The following LGR6 variants were observed in gnomAD, a reference collection of about 807,000 sequenced individuals.
LGR6 encodes the protein leucine-rich repeat-containing G protein-coupled receptor 6.
Under a neutral mutation model 69.4 loss-of-function variants are expected in LGR6, and 45 were observed. The ratio of observed to expected loss-of-function variants is 0.65; its 90% confidence interval spans 0.51 to 0.83. The LOEUF (loss-of-function observed/expected upper bound fraction) is 0.83. LGR6 is among the 40% of genes least tolerant of loss of function. The probability of loss-of-function intolerance (pLI) is 0.00; values close to 1 mark genes in which losing one functional copy is unlikely to be tolerated. For synonymous variants in LGR6, 538 were observed against 555.0 expected (o/e 0.97, Z 0.43); for missense variants, 1,108 against 1,246.7 (o/e 0.89, Z 1.68).
chr1:202,195,675 G>T (rs759518701), intron 1 of LGR6, among the ~76,000 whole-genome samples: 2 of 152,208 alleles, frequency 1.3e-5, no homozygotes, highest in Non-Finnish European at 2.9e-5. Flanking sequence ...TCTATCCTGG[G>T]AGTATGTGAC....
chr1:202,234,235 C>A (rs1661331807), intron 3 of LGR6, among the ~76,000 whole-genome samples: 1 of 152,208 alleles, frequency 6.6e-6, no homozygotes. Context: ...CCTTCCCCAC[C>A]CCTTGGGGTG....
At chr1:202,301,122 G>A (rs6704350) in intron 8 of LGR6, 42 bp from the exon 9 acceptor site, 2 of 1,572,458 alleles carry the variant, frequency 1.3e-6, no homozygotes, top group South Asian at 1.1e-5. Context: ...CAGCAGAAAG[G>A]CCTGAAAAAC....
chr1:202,204,235 A>T (rs1214586097), intron 1 of LGR6, among the ~76,000 whole-genome samples: 2 of 148,910 alleles, frequency 1.3e-5, no homozygotes, highest in African/African-American at 4.9e-5. Context: ...ACCTCCACAC[A>T]CACACACACC....
intron 1 of LGR6, among the ~76,000 whole-genome samples, chr1:202,222,539 T>TC (rs1380521292): frequency 6.6e-6 from 1 of 152,150 alleles, no homozygotes; most frequent in Non-Finnish European, 1.5e-5. Context: ...TGCGTTCCTG[T>TC]CGAGACACAT....
chr1:202,297,463 C>T, intron 6 of LGR6, 45 bp from the exon 7 acceptor site: 1 of 1,494,872 alleles, frequency 6.7e-7, no homozygotes, highest in Non-Finnish European at 9.2e-7. Flanking sequence ...CCTGACATGC[C>T]CCATTAAGCC....
chr1:202,275,057 C>T (rs957689274), intron 4 of LGR6, among the ~76,000 whole-genome samples: 6 of 152,188 alleles, frequency 3.9e-5, no homozygotes, highest in African/African-American at 1.4e-4. Context: ...CACTGCTGGA[C>T]CTTCTACAAG....
intron 1 of LGR6, among the ~76,000 whole-genome samples, chr1:202,211,613 G>C (rs1659465677): frequency 6.6e-6 from 1 of 152,168 alleles, no homozygotes; most frequent in Non-Finnish European, 1.5e-5. Flanking sequence ...CGCCTGCCTT[G>C]GCCTCCCAAA....
intron 11 of LGR6, 151 bp downstream of exon 11, chr1:202,304,781 A>ACC: frequency 1.9e-6 from 1 of 518,818 alleles, no homozygotes; most frequent in Non-Finnish European, 3.5e-6. Context: ...CCCCAGAAGG[A>ACC]CCGGGTTTGA....
rs1667550735 is a variant in LGR6 at position 202,301,058 on chromosome 1, T to A, written c.858-106T>A. ...GGGAGGGGTTGCCTTTCCCTGCATG[T>A]TCTTTCCTGGGTCTACATTGATAGG... is the stretch of plus-strand genomic sequence containing the variant. On this transcript the variant is annotated intron_variant, in intron 8 of 17. Coordinates refer to ENST00000367278, the MANE Select transcript of LGR6 (RefSeq NM_001017403.2). 6 of 1,360,786 alleles carry A rather than the reference T, an allele frequency of 4.4e-6. No homozygotes were observed. In the East Asian group the frequency reaches 1.4e-4, roughly 31 times the overall value. The allele number at this position is 1,360,786 out of a possible 1,614,324, so 84.3% of individuals were successfully genotyped here. A position where few individuals can be genotyped will look rare whatever the true frequency, so the allele number is the denominator to read the frequency against.
intron 6 of LGR6, among the ~76,000 whole-genome samples, chr1:202,292,200 G>A (rs1666844965): frequency 6.6e-6 from 1 of 152,166 alleles, no homozygotes; most frequent in Non-Finnish European, 1.5e-5. Flanking sequence ...CCTTGTTCTG[G>A]AAGCCTTTCC....
intron 5 of LGR6, among the ~76,000 whole-genome samples, chr1:202,278,724 T>A (rs1665780957): frequency 6.6e-6 from 1 of 151,978 alleles, no homozygotes; most frequent in South Asian, 2.1e-4. Context: ...AAAAAAGATA[T>A]TTGGTTAAAA....
At chr1:202,244,621 G>A (rs1376117068) in intron 4 of LGR6, among the ~76,000 whole-genome samples, 1 of 152,012 alleles carries the variant, frequency 6.6e-6, no homozygotes, top group Non-Finnish European at 1.5e-5. Context: ...TCTCTGATAA[G>A]GATACTTATC....
In LGR6 at chr1:202,199,659, C is replaced by T. The variant is rs1297372249; in HGVS notation, c.212+5458C>T. On this transcript the variant is annotated intron_variant, in intron 1 of 17. Coordinates refer to ENST00000367278, the MANE Select transcript of LGR6 (RefSeq NM_001017403.2). ...GCAGCCTGCTTCCTGCACTGACCCA[C>T]GCCCCCCGGGGGAGAGACACACAGG... 6.6e-5 allele frequency among the ~76,000 whole-genome samples: 10 copies of T among 151,540 alleles called. No homozygotes were observed. In the South Asian group the frequency reaches 1.5e-3, roughly 22 times the overall value.
At chr1:202,252,811 A>G (rs1663380950) in intron 4 of LGR6, among the ~76,000 whole-genome samples, 1 of 152,222 alleles carries the variant, frequency 6.6e-6, no homozygotes, top group African/African-American at 2.4e-5. Context: ...TCTCCCTGAC[A>G]AGAGTCCTGA....
chr1:202,301,056 T>G, intron 8 of LGR6, 108 bp from the exon 9 acceptor site: 1 of 1,336,372 alleles, frequency 7.5e-7, no homozygotes. Flanking sequence ...TTTCCCTGCA[T>G]GTTCTTTCCT....
intron 6 of LGR6, among the ~76,000 whole-genome samples, chr1:202,286,477 C>T (rs544014738): frequency 1.3e-5 from 2 of 152,298 alleles, no homozygotes; most frequent in East Asian, 3.9e-4. Context: ...TGTGTATCCT[C>T]ATGTTACAGA....
At chr1:202,230,585 G>C (rs1660943154) in intron 3 of LGR6, among the ~76,000 whole-genome samples, 1 of 152,152 alleles carries the variant, frequency 6.6e-6, no homozygotes, top group Non-Finnish European at 1.5e-5. Flanking sequence ...TTTACACAGG[G>C]GCAGCTTTGG....
intron 6 of LGR6, among the ~76,000 whole-genome samples, chr1:202,281,237 T>C (rs563269443): frequency 6.6e-6 from 1 of 152,248 alleles, no homozygotes; most frequent in African/African-American, 2.4e-5. Context: ...GCTGACTTGA[T>C]GGCAGTTTTG....
intron 16 of LGR6, among the ~76,000 whole-genome samples, chr1:202,313,159 A>G (rs1260920304): frequency 1.3e-5 from 2 of 151,838 alleles, no homozygotes; most frequent in East Asian, 1.9e-4. Context: ...CCCAGGAGGC[A>G]GAGCTTGCAG....
Sources: gnomAD v4.1 joint callset for allele counts (sites outside exome capture counted in the v4.1 genomes callset) on GRCh38, gnomAD v4.1.1 for gene constraint, MANE v1.5 for transcripts, NCBI Gene and HGNC (gene_info 2026-07-23, HGNC 2026-07-21) for gene names.